The following USP13 variants were observed in gnomAD, a reference collection of about 807,000 sequenced individuals.
The protein encoded by USP13 is ubiquitin specific peptidase 13.
Under a neutral mutation model 107.8 loss-of-function variants are expected in USP13, and 68 were observed. The ratio of observed to expected loss-of-function variants is 0.63; its 90% CI spans 0.52 to 0.77. The LOEUF (loss-of-function observed/expected upper bound fraction) is 0.77. Ranked by LOEUF, USP13 falls within the 30% of genes least tolerant of loss-of-function variation. The pLI, the probability that USP13 is intolerant of heterozygous loss-of-function variation, is 0.00. For synonymous variants in USP13, 377 were observed against 389.5 expected (o/e 0.97, Z 0.38); for missense variants, 945 against 1,093.3 (o/e 0.86, Z 1.91).
intron 19 of USP13, among the ~76,000 whole-genome samples, chr3:179,776,604 C>T (rs1715547105): frequency 6.6e-6 from 1 of 152,224 alleles, no homozygotes; most frequent in South Asian, 2.1e-4. Context: ...CAGTTTAATT[C>T]TGCCCATTAG....
At chr3:179,714,190 G>A (rs1040900782) in intron 6 of USP13, among the ~76,000 whole-genome samples, 1 of 152,210 alleles carries the variant, frequency 6.6e-6, no homozygotes, top group African/African-American at 2.4e-5. Flanking sequence ...ATGCTTTAGT[G>A]TCTTGGGTGA....
At chr3:179,722,214 A>G (rs1713350014) in intron 8 of USP13, among the ~76,000 whole-genome samples, 1 of 152,150 alleles carries the variant, frequency 6.6e-6, no homozygotes, top group African/African-American at 2.4e-5. Flanking sequence ...ATTCCCTCCT[A>G]TAGATGCGCT....
At position 179,785,937 on chromosome 3, in the gene USP13, G is replaced by A. The variant is rs970940771; in HGVS notation, c.*1796G>A. The A allele has an allele frequency of 6.6e-6, 1 of 152,272 alleles. No individual in the cohort carries two copies. The highest frequency in any genetic ancestry group is 2.4e-5 in the African/African-American group (1 of 41,446). The allele number at this position is 152,272 out of a possible 1,614,324, so 9.4% of individuals were successfully genotyped here. ...AGGATACAGTGAGATTGGTTACAGT[G>A]AACCTTCAATGAGTAGAATGTGGTA... On this transcript the variant is annotated 3_prime_UTR_variant, in exon 21 of 21. Transcript: ENST00000263966.
intron 16 of USP13, among the ~76,000 whole-genome samples, chr3:179,759,988 A>G (rs1343499503): frequency 1.3e-5 from 2 of 152,092 alleles, no homozygotes; most frequent in Admixed American, 6.5e-5. Context: ...TGCATTTTCA[A>G]TACAAAATTT....
chr3:179,696,883 A>G (rs1712345529), intron 3 of USP13, among the ~76,000 whole-genome samples: 1 of 152,192 alleles, frequency 6.6e-6, no homozygotes, highest in African/African-American at 2.4e-5. Context: ...TTCTGCCCTA[A>G]TTCCATATAT....
rs1359199227 is a variant in USP13 at position 179,781,728 on chromosome 3, C to G, written c.2414-11C>G. The G allele has an allele frequency of 6.2e-7, 1 of 1,611,922 alleles. No individual in the cohort carries two copies. Among genetic ancestry groups the G allele is most frequent in the Non-Finnish European group, 8.5e-7 (1 of 1,178,778 alleles). On this transcript the variant is annotated splice_polypyrimidine_tract_variant and intron_variant, in intron 19 of 20. Coordinates refer to ENST00000263966, the MANE Select transcript of USP13 (RefSeq NM_003940.3). ...TGCTGCCTTGTAACTGAGTTGTTTC[C>G]TCTTTCACAGCATATGAGCTATTTG... is the stretch of plus-strand genomic sequence containing the variant.
At chr3:179,756,305 C>T (rs1714792181) in intron 15 of USP13, among the ~76,000 whole-genome samples, 1 of 152,172 alleles carries the variant, frequency 6.6e-6, no homozygotes, top group African/African-American at 2.4e-5. Context: ...TGCCTGTAAT[C>T]CCAGCTACTC....
intron 3 of USP13, among the ~76,000 whole-genome samples, chr3:179,697,970 C>T (rs1024611456): frequency 7.9e-5 from 12 of 152,152 alleles, no homozygotes; most frequent in African/African-American, 2.4e-4. Context: ...ACATCTGAGT[C>T]GCCAATTAAA....
At chr3:179,752,186 A>C in intron 13 of USP13, 99 bp from the exon 14 acceptor site, 21 of 983,390 alleles carry the variant, frequency 2.1e-5, no homozygotes, top group Non-Finnish European at 3.2e-5. Context: ...AGCCATTGGA[A>C]TGGCCAGGTG....
intron 19 of USP13, among the ~76,000 whole-genome samples, chr3:179,781,266 A>G (rs190346169): frequency 6.6e-6 from 1 of 152,230 alleles, no homozygotes; most frequent in Admixed American, 6.5e-5. Flanking sequence ...TCTTCCTTAT[A>G]ATTTTGACAT....
chr3:179,670,597 G>A (rs1009559936), intron 1 of USP13, among the ~76,000 whole-genome samples: 1 of 152,090 alleles, frequency 6.6e-6, no homozygotes, highest in African/African-American at 2.4e-5. Context: ...TATTTTACTT[G>A]TTCCTGAATT....
intron 1 of USP13, among the ~76,000 whole-genome samples, chr3:179,654,641 T>G (rs986883832): frequency 6.6e-6 from 1 of 152,162 alleles, no homozygotes; most frequent in Non-Finnish European, 1.5e-5. Context: ...CTCAATGCAT[T>G]GGGAGGCGCA....
At chr3:179,762,329 C>G (rs557415509) in intron 17 of USP13, among the ~76,000 whole-genome samples, 50 of 152,282 alleles carry the variant, frequency 3.3e-4, no homozygotes, top group African/African-American at 1.2e-3. Flanking sequence ...GCCTGTAATC[C>G]CAGCACTTTG....
chr3:179,699,767 A>G (rs977523024), intron 3 of USP13, among the ~76,000 whole-genome samples: 28 of 145,432 alleles, frequency 1.9e-4, no homozygotes, highest in African/African-American at 7.1e-4. Context: ...TTATTTATTT[A>G]TTTATTTATT....
At chr3:179,681,333 T>C (rs1372176000) in intron 1 of USP13, among the ~76,000 whole-genome samples, 4 of 151,980 alleles carry the variant, frequency 2.6e-5, no homozygotes, top group Non-Finnish European at 5.9e-5. Context: ...TCTCGGCCCC[T>C]GAGGAAGGGG....
rs200951605 is a variant in USP13 at position 179,740,375 on chromosome 3, G to A, written c.1380+3G>A. Reference sequence around the variant, plus strand: ...TGCACCTGGTGAATCTAGTAGAGGTGAGTAGTCAGTCTTCACGGATGCTCA... The same window carrying A: ...TGCACCTGGTGAATCTAGTAGAGGTAAGTAGTCAGTCTTCACGGATGCTCA... On this transcript the variant is annotated splice_donor_region_variant and intron_variant, in intron 11 of 20. Transcript: ENST00000263966. 3.0e-4 allele frequency: 484 copies of A among 1,613,994 alleles called. 3 individuals carry two copies. The South Asian group carries it at 5.0e-3, about 17-fold the overall frequency.
intron 1 of USP13, among the ~76,000 whole-genome samples, chr3:179,660,806 T>C (rs1055309058): frequency 6.6e-6 from 1 of 152,226 alleles, no homozygotes; most frequent in Non-Finnish European, 1.5e-5. Context: ...CAGACTTTTT[T>C]CCACTTTGAA....
At chr3:179,671,634 A>AG (rs1488848846) in intron 1 of USP13, among the ~76,000 whole-genome samples, 1 of 152,246 alleles carries the variant, frequency 6.6e-6, no homozygotes, top group Admixed American at 6.5e-5. Flanking sequence ...AAATAGCTGA[A>AG]GAGTGTTACA....
At chr3:179,679,967 GAGTTTGAGACC>G (rs1711590437) in intron 1 of USP13, among the ~76,000 whole-genome samples, 1 of 152,050 alleles carries the variant, frequency 6.6e-6, no homozygotes, top group African/African-American at 2.4e-5. Context: ...TTGAGCCCAG[GAGTTTGAGACC>G]AGCCTAGGCA....
Sources: allele counts gnomAD v4.1 joint callset (sites outside exome capture counted in the v4.1 genomes callset), GRCh38; gene constraint gnomAD v4.1.1; transcripts MANE v1.5; gene names NCBI Gene and HGNC (gene_info 2026-07-23, HGNC 2026-07-21).